MAPK10: variants seen among roughly 807,000 people sequenced by gnomAD.
The protein encoded by MAPK10 is mitogen-activated protein kinase 10, also known as JNK3 alpha protein kinase.
In MAPK10, 25 loss-of-function variants were observed where a neutral mutation model predicts 59.3. The observed-to-expected ratio is 0.42, with a 90% CI of 0.31 to 0.59. The LOEUF (loss-of-function observed/expected upper bound fraction) is 0.59. Among genes scored for constraint, MAPK10 ranks in the 20% least tolerant of loss-of-function variants. The probability of loss-of-function intolerance (pLI) is 0.15; values close to 1 mark genes in which losing one functional copy is unlikely to be tolerated. For missense variants in MAPK10, 351 were observed against 568.9 expected (o/e 0.62, Z 3.90); for synonymous variants, 190 against 200.5 (o/e 0.95, Z 0.44).
intron 1 of MAPK10, among the ~76,000 whole-genome samples, chr4:86,516,257 C>G (rs985431837): frequency 4.6e-5 from 7 of 152,170 alleles, no homozygotes; most frequent in African/African-American, 1.4e-4. Flanking sequence ...GTTTTTATAA[C>G]AGTACCATGC....
intron 1 of MAPK10, among the ~76,000 whole-genome samples, chr4:86,497,213 A>G (rs1754932967): frequency 6.6e-6 from 1 of 152,206 alleles, no homozygotes; most frequent in African/African-American, 2.4e-5. Context: ...TCTACTGATG[A>G]GGCTATTGTC....
chr4:86,321,258 T>G (rs1297638589), intron 2 of MAPK10, among the ~76,000 whole-genome samples: 9 of 151,756 alleles, frequency 5.9e-5, no homozygotes, highest in Admixed American at 2.6e-4. Flanking sequence ...GGACTATAAA[T>G]CATGCTGCTA....
At chr4:86,340,900 T>C (rs1221231156) in intron 2 of MAPK10, among the ~76,000 whole-genome samples, 1 of 152,240 alleles carries the variant, frequency 6.6e-6, no homozygotes, top group Non-Finnish European at 1.5e-5. Flanking sequence ...CCACCTCTAC[T>C]AGCAGGCATT....
At chr4:86,299,886 A>C (rs1187106870) in intron 2 of MAPK10, among the ~76,000 whole-genome samples, 4 of 151,484 alleles carry the variant, frequency 2.6e-5, no homozygotes, top group Non-Finnish European at 5.9e-5. Context: ...TACCTTTCTT[A>C]TTTTTTTTCT....
At chr4:86,462,668 C>T (rs1388812705) in intron 1 of MAPK10, among the ~76,000 whole-genome samples, 3 of 152,070 alleles carry the variant, frequency 2.0e-5, no homozygotes. Context: ...CTGTGAAGGG[C>T]CTGATGGACA....
At chr4:86,482,727 T>G (rs1182766513) in intron 1 of MAPK10, among the ~76,000 whole-genome samples, 6 of 152,130 alleles carry the variant, frequency 3.9e-5, no homozygotes, top group African/African-American at 1.4e-4. Context: ...CCATTAAAAC[T>G]GTTCATCCTG....
At chr4:86,430,630 G>T (rs909158394) in intron 1 of MAPK10, among the ~76,000 whole-genome samples, 5 of 152,082 alleles carry the variant, frequency 3.3e-5, no homozygotes, top group African/African-American at 1.2e-4. Flanking sequence ...TACAAAAATT[G>T]TCTCTACAAA....
intron 1 of MAPK10, among the ~76,000 whole-genome samples, chr4:86,526,914 G>A (rs961066199): frequency 6.6e-6 from 1 of 152,076 alleles, no homozygotes; most frequent in Non-Finnish European, 1.5e-5. Context: ...TCCACTCTGG[G>A]CCAAGAGATG....
chr4:86,357,330 A>T (rs1735021171), intron 1 of MAPK10, among the ~76,000 whole-genome samples: 1 of 152,198 alleles, frequency 6.6e-6, no homozygotes, highest in Admixed American at 6.5e-5. Context: ...ATCAGTATAA[A>T]AAGAATTTAT....
intron 1 of MAPK10, among the ~76,000 whole-genome samples, chr4:86,367,795 C>G (rs1738161153): frequency 6.6e-6 from 1 of 151,814 alleles, no homozygotes. Flanking sequence ...GGCATTGTTT[C>G]TTGACCTTGC....
chr4:86,512,482 G>A (rs1422250161), intron 1 of MAPK10, among the ~76,000 whole-genome samples: 2 of 152,098 alleles, frequency 1.3e-5, no homozygotes, highest in Non-Finnish European at 2.9e-5. Context: ...TAAGATGGTA[G>A]GTAAAACCTA....
intron 2 of MAPK10, among the ~76,000 whole-genome samples, chr4:86,328,165 A>T (rs1387060237): frequency 6.6e-6 from 1 of 152,134 alleles, no homozygotes; most frequent in Admixed American, 6.6e-5. Flanking sequence ...AGAAAGAAAC[A>T]AACAACCCCA....
intron 1 of MAPK10, among the ~76,000 whole-genome samples, chr4:86,484,816 T>A (rs1041574320): frequency 5.3e-5 from 8 of 152,218 alleles, no homozygotes; most frequent in Non-Finnish European, 1.0e-4. Context: ...CAGAGCTGCT[T>A]CTGCTCCAAA....
intron 1 of MAPK10, among the ~76,000 whole-genome samples, chr4:86,443,080 C>A (rs767097613): frequency 1.3e-5 from 2 of 152,094 alleles, no homozygotes; most frequent in African/African-American, 4.8e-5. Flanking sequence ...AGTGCCCCAG[C>A]AGGAAAACCT....
chr4:86,070,498 G>C (rs539034670), intron 9 of MAPK10, among the ~76,000 whole-genome samples: 4 of 149,678 alleles, frequency 2.7e-5, no homozygotes, highest in African/African-American at 4.9e-5. Flanking sequence ...CCACTAACTC[G>C]TCATCTAGCA....
chr4:86,465,822 G>A (rs1431357349), intron 1 of MAPK10, among the ~76,000 whole-genome samples: 1 of 152,156 alleles, frequency 6.6e-6, no homozygotes, highest in African/African-American at 2.4e-5. Flanking sequence ...CACTGAGAAG[G>A]ACCCCAGCTG....
intron 2 of MAPK10, among the ~76,000 whole-genome samples, chr4:86,274,798 AT>A (rs2094528032): frequency 6.6e-6 from 1 of 151,978 alleles, no homozygotes. Context: ...GTCTCAAGAT[AT>A]TTTAAGGTAC....
chr4:86,187,162 G>A (rs1360439886), intron 3 of MAPK10, among the ~76,000 whole-genome samples: 2 of 151,926 alleles, frequency 1.3e-5, no homozygotes, highest in East Asian at 1.9e-4. Context: ...GACCCCCAGT[G>A]GATGCCTGAA....
chr4:86,065,354 T>G (rs2046532745), intron 10 of MAPK10: 1 of 152,184 alleles, frequency 6.6e-6, no homozygotes, highest in Non-Finnish European at 1.5e-5. Flanking sequence ...AATCCAGTAG[T>G]TAAAGACTGA....
Sources: gnomAD v4.1 joint callset for allele counts (sites outside exome capture counted in the v4.1 genomes callset) on GRCh38, gnomAD v4.1.1 for gene constraint, MANE v1.5 for transcripts, NCBI Gene and HGNC (gene_info 2026-07-23, HGNC 2026-07-21) for gene names.